Variants in DNAH7 observed in about 807,000 individuals in gnomAD.
DNAH7 encodes axonemal beta dynein heavy chain 7.
DNAH7 carries 397 observed loss-of-function variants against 444.6 expected under a neutral mutation model. That is an observed-to-expected ratio of 0.89 (90% CI 0.82 to 0.97). The LOEUF is 0.97. Among genes scored for constraint, DNAH7 ranks in the 50% least tolerant of loss-of-function variants. The pLI is 0.00. For missense variants in DNAH7, 4,902 were observed against 4,800.8 expected, an observed-to-expected ratio of 1.02 and a Z score of -0.62; for synonymous variants, 1,636 against 1,624.4, an observed-to-expected ratio of 1.01 and a Z score of -0.17.
intron 9 of DNAH7, among the ~76,000 whole-genome samples, chr2:196,016,261 T>G (rs1032806941): frequency 1.3e-5 from 2 of 152,142 alleles, no homozygotes; most frequent in East Asian, 1.9e-4. Context: ...ACTTGTGGTG[T>G]TGTTTTGAAA....
intron 44 of DNAH7, among the ~76,000 whole-genome samples, chr2:195,856,409 G>A (rs962138881): frequency 3.3e-5 from 5 of 152,190 alleles, no homozygotes; most frequent in East Asian, 1.9e-4. Flanking sequence ...CTATAAATAC[G>A]TATGTGGTAA....
chr2:195,972,342 T>G lies in DNAH7; in HGVS notation c.1958A>C (p.Asn653Thr). The G allele has an allele frequency of 1.2e-6, 2 of 1,614,156 alleles. No individual in the cohort carries two copies. The highest frequency in any genetic ancestry group is 1.7e-6 in the Non-Finnish European group (2 of 1,180,016). ...TCCATACCACTGGAAAACACTATTA[T>G]TTAGCCTCATGTCTGCTGGAGAAAA... is the stretch of plus-strand genomic sequence containing the variant. Reference protein sequence around the residue: ...VNFSPADMRLNNSVFQWYGRM... With the variant: ...VNFSPADMRLTNSVFQWYGRM... The change falls in exon 16 of 65, where the codon AAT becomes ACT. Residue 653 changes from asparagine (N) to threonine (T), a missense_variant. Physicochemically the swap from Asn to Thr is moderately conservative, Grantham distance 65. Transcript: ENST00000312428.
intron 57 of DNAH7, among the ~76,000 whole-genome samples, chr2:195,792,166 C>CAAAAAAAAAA: frequency 1.8e-5 from 1 of 54,474 alleles, no homozygotes; most frequent in Non-Finnish European, 3.0e-5. Flanking sequence ...GACCCTGTCT[C>CAAAAAAAAAA]AAAAAAAAAA....
intron 21 of DNAH7, among the ~76,000 whole-genome samples, chr2:195,930,738 G>C (rs1260520548): frequency 3.3e-5 from 5 of 152,110 alleles, no homozygotes; most frequent in Non-Finnish European, 5.9e-5. Context: ...ATGTTCACTG[G>C]AGCAGTATTC....
intron 61 of DNAH7, among the ~76,000 whole-genome samples, chr2:195,768,471 TTTAGA>T (rs1694690905): frequency 6.6e-6 from 1 of 151,930 alleles, no homozygotes; most frequent in Non-Finnish European, 1.5e-5. Context: ...CTGGATAATA[TTTAGA>T]TTAATCACTT....
chr2:195,786,962 T>C (rs1048170920), intron 58 of DNAH7, 48 bp downstream of exon 58: 3 of 1,507,598 alleles, frequency 2.0e-6, no homozygotes, highest in African/African-American at 2.8e-5. Flanking sequence ...ACTTATAACA[T>C]GATAAAGAGC....
chr2:195,979,309 T>C (rs574210926), intron 15 of DNAH7, among the ~76,000 whole-genome samples: 4 of 152,182 alleles, frequency 2.6e-5, no homozygotes, highest in African/African-American at 9.6e-5. Context: ...AAGAAATCAG[T>C]AACAAGAGGA....
At chr2:195,919,561 T>A (rs1389674359) in intron 24 of DNAH7, among the ~76,000 whole-genome samples, 1 of 152,140 alleles carries the variant, frequency 6.6e-6, no homozygotes, top group Non-Finnish European at 1.5e-5. Flanking sequence ...GCCAGACTGG[T>A]CTCAAATTCC....
At chr2:195,832,198 C>G (rs1485956439) in intron 48 of DNAH7, among the ~76,000 whole-genome samples, 1 of 152,032 alleles carries the variant, frequency 6.6e-6, no homozygotes, top group East Asian at 1.9e-4. Flanking sequence ...GGTTATGACC[C>G]ATACTTTGGA....
intron 59 of DNAH7, 72 bp from the exon 60 acceptor site, chr2:195,776,055 G>A (rs1374324353): frequency 9.6e-5 from 151 of 1,568,092 alleles, no homozygotes; most frequent in Non-Finnish European, 1.3e-4. Context: ...ACAGAAAAGA[G>A]GCAGTTTTCA....
At chr2:196,013,882 T>C (rs1694857792) in intron 9 of DNAH7, among the ~76,000 whole-genome samples, 2 of 152,226 alleles carry the variant, frequency 1.3e-5, no homozygotes, top group African/African-American at 4.8e-5. Context: ...GTAATCAGGA[T>C]GCAGATGCAT....
chr2:195,978,298 CTTAT>C (rs1305525609), intron 15 of DNAH7, among the ~76,000 whole-genome samples: 1 of 151,872 alleles, frequency 6.6e-6, no homozygotes, highest in Non-Finnish European at 1.5e-5. Context: ...TTTTTTCTTG[CTTAT>C]TTGTTTATGC....
chr2:195,758,619 T>C (rs748760623), intron 61 of DNAH7, among the ~76,000 whole-genome samples: 23 of 152,326 alleles, frequency 1.5e-4, no homozygotes, highest in Non-Finnish European at 2.9e-4. Flanking sequence ...GTTTTAACTT[T>C]AATCACTGAA....
At chr2:196,060,541 TGCA>T (rs1357993420) in intron 1 of DNAH7, among the ~76,000 whole-genome samples, 2 of 152,184 alleles carry the variant, frequency 1.3e-5, no homozygotes, top group Non-Finnish European at 1.5e-5. Context: ...TTGTTTTTGC[TGCA>T]GCAATTTGAA....
At chr2:195,768,239 A>T (rs1025646839) in intron 61 of DNAH7, among the ~76,000 whole-genome samples, 1 of 148,526 alleles carries the variant, frequency 6.7e-6, no homozygotes, top group Non-Finnish European at 1.5e-5. Flanking sequence ...TATAGAGAAA[A>T]GCAGAGGGCA....
chr2:195,936,414 G>A (rs943150904), intron 20 of DNAH7, among the ~76,000 whole-genome samples, 185 bp downstream of exon 20: 28 of 151,838 alleles, frequency 1.8e-4, no homozygotes, highest in Admixed American at 1.8e-3. Flanking sequence ...ACGATTCCAC[G>A]GTTCATTCAG....
intron 42 of DNAH7, among the ~76,000 whole-genome samples, chr2:195,859,153 AAC>A (rs1699883486): frequency 6.6e-6 from 1 of 152,214 alleles, no homozygotes; most frequent in African/African-American, 2.4e-5. Context: ...TGATCCCAGC[AAC>A]ACTACTGCTG....
intron 49 of DNAH7, among the ~76,000 whole-genome samples, chr2:195,820,255 T>C (rs979418590): frequency 6.7e-5 from 10 of 149,994 alleles, no homozygotes; most frequent in Non-Finnish European, 3.0e-5. Flanking sequence ...TGAGAATACA[T>C]GGACACAGGG....
chr2:195,864,389 T>C lies in DNAH7; in HGVS notation c.7266A>G (p.Pro2422=). The change falls in exon 41 of 65, where the codon CCA becomes CCG. Residue 2422 remains proline, a synonymous_variant. Transcript: ENST00000312428. ...VSNLLNAGEI[P]NLFALDEKQE... Reference sequence around the variant, plus strand: ...GCTTCTCATCTAATGCAAAGAGATTTGGAATCTCCCCAGCATTTAGCAGAT... The same window carrying C: ...GCTTCTCATCTAATGCAAAGAGATTCGGAATCTCCCCAGCATTTAGCAGAT... 1 of 1,614,196 alleles carries C rather than the reference T, an allele frequency of 6.2e-7. No homozygotes were observed. The highest frequency in any genetic ancestry group is 8.5e-7 in the Non-Finnish European group (1 of 1,180,034).
Sources: gnomAD v4.1 joint callset for allele counts (sites outside exome capture counted in the v4.1 genomes callset) on GRCh38, gnomAD v4.1.1 for gene constraint, MANE v1.5 for transcripts, NCBI Gene and HGNC (gene_info 2026-07-23, HGNC 2026-07-21) for gene names.